Variants in FBXO4 observed in about 807,000 individuals in gnomAD.
The protein encoded by FBXO4 is F-box protein 4, also known as F-box only protein 4.
A neutral mutation model predicts 43.7 loss-of-function variants in FBXO4; 36 were observed. The observed-to-expected ratio is 0.82, with a 90% CI of 0.63 to 1.09. The LOEUF (loss-of-function observed/expected upper bound fraction) is 1.09, where lower values mean the gene tolerates loss of function less well. Ranked by LOEUF, FBXO4 falls within the 50% of genes least tolerant of loss-of-function variation. The pLI is 0.00. For missense variants in FBXO4, 435 were observed against 474.1 expected (o/e 0.92, Z 0.77); for synonymous variants, 180 against 165.6 (o/e 1.09, Z -0.67).
the FBXO4 span, among the ~76,000 whole-genome samples, chr5:41,982,580 GA>G: frequency 7.3e-4 from 110 of 151,470 alleles, no homozygotes; most frequent in African/African-American, 2.2e-3. Flanking sequence ...TGCTAACATT[GA>G]AAAAAAATTA....
At chr5:41,951,335 C>CA in the FBXO4 span, 1 of 218,532 alleles carries the variant, frequency 4.6e-6, no homozygotes, top group African/African-American at 2.4e-5. Context: ...TCTTCCTACC[C>CA]ATTCAGTGGC....
chr5:41,995,465 A>T, the FBXO4 span, among the ~76,000 whole-genome samples: 14 of 152,336 alleles, frequency 9.2e-5, no homozygotes, highest in African/African-American at 3.4e-4. Context: ...GGCACTCAGC[A>T]GTGGCCATAG....
chr5:41,939,808 C>A (rs1751955342), intron 6 of FBXO4, among the ~76,000 whole-genome samples, 192 bp downstream of exon 6: 1 of 143,082 alleles, frequency 7.0e-6, no homozygotes, highest in Admixed American at 7.0e-5. Flanking sequence ...TGCCTCTTCT[C>A]TCATACAGTG....
At chr5:41,959,429 C>CT in the FBXO4 span, among the ~76,000 whole-genome samples, 12,078 of 151,968 alleles carry the variant, frequency 0.079, 688 homozygotes, top group African/African-American at 0.16. Flanking sequence ...GTTGCCTGTG[C>CT]TTTAGGGCCG....
At chr5:41,939,008 G>A (rs1036214694) in intron 5 of FBXO4, among the ~76,000 whole-genome samples, 1 of 152,206 alleles carries the variant, frequency 6.6e-6, no homozygotes. Context: ...AATCATGGGA[G>A]TGATGCCCCA....
At chr5:41,971,989 A>C in the FBXO4 span, among the ~76,000 whole-genome samples, 4 of 152,152 alleles carry the variant, frequency 2.6e-5, no homozygotes, top group African/African-American at 9.6e-5. Context: ...CATCATACTA[A>C]ACAGGCAAAA....
chr5:41,943,855 G>C (rs1001911980), downstream of FBXO4, among the ~76,000 whole-genome samples: 1 of 152,112 alleles, frequency 6.6e-6, no homozygotes, highest in Non-Finnish European at 1.5e-5. Context: ...AGAGAATTAA[G>C]GTTAAATGAG....
chr5:41,982,124 C>A, the FBXO4 span, among the ~76,000 whole-genome samples: 1 of 152,038 alleles, frequency 6.6e-6, no homozygotes, highest in Non-Finnish European at 1.5e-5. Context: ...GTATATATGC[C>A]ACATTTTCTT....
chr5:41,925,796 C>G (rs764850223), intron 1 of FBXO4, among the ~76,000 whole-genome samples: 5 of 152,190 alleles, frequency 3.3e-5, no homozygotes, highest in Non-Finnish European at 7.4e-5. Flanking sequence ...GCACATGTGA[C>G]TAGGACACCC....
At chr5:41,958,584 C>T in the FBXO4 span, among the ~76,000 whole-genome samples, 2 of 152,180 alleles carry the variant, frequency 1.3e-5, no homozygotes, top group Non-Finnish European at 2.9e-5. Context: ...TGGTAACCAC[C>T]ATTTAACTCT....
chr5:41,974,277 T>A, the FBXO4 span, among the ~76,000 whole-genome samples: 1 of 152,192 alleles, frequency 6.6e-6, no homozygotes, highest in Non-Finnish European at 1.5e-5. Flanking sequence ...TTTTGGAGAA[T>A]TCTTGGCCTT....
the FBXO4 span, among the ~76,000 whole-genome samples, chr5:41,977,471 T>G: frequency 1.3e-5 from 2 of 152,228 alleles, no homozygotes; most frequent in East Asian, 3.8e-4. Flanking sequence ...GCTTAAAAAT[T>G]TCTTCTGCCA....
the FBXO4 span, among the ~76,000 whole-genome samples, chr5:42,032,493 C>G: frequency 2.0e-5 from 3 of 152,262 alleles, no homozygotes; most frequent in East Asian, 5.8e-4. Flanking sequence ...GGCAGAGAAG[C>G]CTTACCTCTT....
At chr5:41,991,530 G>A in the FBXO4 span, among the ~76,000 whole-genome samples, 11 of 152,298 alleles carry the variant, frequency 7.2e-5, 1 homozygote, top group South Asian at 1.4e-3. Flanking sequence ...ACCAAGCCAT[G>A]CTGATTTGTC....
chr5:41,936,416 C>T (rs1384767919), intron 5 of FBXO4, among the ~76,000 whole-genome samples: 2 of 152,102 alleles, frequency 1.3e-5, no homozygotes, highest in East Asian at 1.9e-4. Flanking sequence ...TGCCTGTAGT[C>T]GCAACTACTT....
At chr5:41,983,399 G>A in the FBXO4 span, among the ~76,000 whole-genome samples, 6 of 148,652 alleles carry the variant, frequency 4.0e-5, no homozygotes, top group Non-Finnish European at 8.8e-5. Flanking sequence ...CTTTATTTCT[G>A]TCAACTTTAG....
the FBXO4 span, among the ~76,000 whole-genome samples, chr5:42,028,540 A>G: frequency 6.6e-6 from 1 of 151,696 alleles, no homozygotes; most frequent in Non-Finnish European, 1.5e-5. Flanking sequence ...ACTATTGAGA[A>G]GTAAGGACTT....
chr5:41,945,091 G>A (rs560480637), downstream of FBXO4, among the ~76,000 whole-genome samples: 4 of 152,238 alleles, frequency 2.6e-5, no homozygotes, highest in Admixed American at 6.5e-5. Flanking sequence ...TCATTAACAT[G>A]CACAAAGCTA....
chr5:41,948,284 T>C, the FBXO4 span, among the ~76,000 whole-genome samples: 3 of 151,972 alleles, frequency 2.0e-5, no homozygotes, highest in Non-Finnish European at 4.4e-5. Flanking sequence ...TACAGGCGGC[T>C]GCCACCACGC....
Sources: allele counts gnomAD v4.1 joint callset (sites outside exome capture counted in the v4.1 genomes callset), GRCh38; gene constraint gnomAD v4.1.1; transcripts MANE v1.5; gene names NCBI Gene and HGNC (gene_info 2026-07-23, HGNC 2026-07-21).